Variants in COL24A1 observed in about 807,000 individuals in gnomAD.
COL24A1 encodes collagen alpha-1(XXIV) chain.
COL24A1 carries 224 observed loss-of-function variants against 253.9 expected under a neutral mutation model. The ratio of observed to expected loss-of-function variants is 0.88; its 90% CI spans 0.79 to 0.99. The LOEUF is 0.99. Ranked by LOEUF, COL24A1 falls within the 50% of genes least tolerant of loss-of-function variation. COL24A1 has a pLI of 0.00. For missense variants in COL24A1, 2,131 were observed against 2,068.5 expected (o/e 1.03, Z -0.59); for synonymous variants, 685 against 673.7 (o/e 1.02, Z -0.26).
chr1:85,733,716 ATT>A (rs1382475849), intron 59 of COL24A1, among the ~76,000 whole-genome samples: 4 of 150,750 alleles, frequency 2.7e-5, no homozygotes, highest in African/African-American at 9.8e-5. Context: ...AGTAGCTGGG[ATT>A]ATTGGCGTGT....
At chr1:85,812,791 T>C (rs960337849) in intron 47 of COL24A1, among the ~76,000 whole-genome samples, 3 of 152,186 alleles carry the variant, frequency 2.0e-5, no homozygotes, top group African/African-American at 7.2e-5. Context: ...ATACTAATCA[T>C]AGTGGTTGCT....
intron 35 of COL24A1, among the ~76,000 whole-genome samples, chr1:85,873,256 C>T (rs961719695): frequency 4.6e-5 from 7 of 152,224 alleles, no homozygotes; most frequent in African/African-American, 1.7e-4. Flanking sequence ...TAAACTAGTT[C>T]AACCATTGTG....
intron 24 of COL24A1, among the ~76,000 whole-genome samples, chr1:85,946,421 C>A (rs550963745): frequency 1.3e-5 from 2 of 152,128 alleles, no homozygotes; most frequent in Non-Finnish European, 2.9e-5. Flanking sequence ...GTGAGTCTTA[C>A]TAGTCAATAA....
chr1:85,874,503 T>G, intron 35 of COL24A1, 146 bp downstream of exon 35: 2 of 724,686 alleles, frequency 2.8e-6, no homozygotes, highest in Non-Finnish European at 4.5e-6. Context: ...GGATGCAGCT[T>G]TTGAAAGTAT....
intron 5 of COL24A1, among the ~76,000 whole-genome samples, chr1:86,104,930 C>T (rs147036816): frequency 0.01 from 1,580 of 152,340 alleles, 12 homozygotes; most frequent in Non-Finnish European, 0.015. Flanking sequence ...GTATTTACAG[C>T]AGTGGCAGAG....
chr1:86,128,240 A>G (rs892407831), intron 2 of COL24A1, among the ~76,000 whole-genome samples: 1 of 152,034 alleles, frequency 6.6e-6, no homozygotes, highest in Non-Finnish European at 1.5e-5. Context: ...TATGAGCTAA[A>G]TCAGCTAATT....
chr1:86,152,995 T>C (rs1051272162), intron 1 of COL24A1, among the ~76,000 whole-genome samples: 2 of 152,210 alleles, frequency 1.3e-5, no homozygotes, highest in African/African-American at 4.8e-5. Flanking sequence ...GGTCTCTGTT[T>C]ATCTCTCCAG....
At chr1:86,058,115 C>A in intron 9 of COL24A1, 140 bp from the exon 10 acceptor site, 1 of 538,406 alleles carries the variant, frequency 1.9e-6, no homozygotes, top group South Asian at 3.8e-5. Flanking sequence ...ATGAAGATTA[C>A]CAATGTTCAA....
chr1:85,964,923 T>A (rs920669148), intron 23 of COL24A1, 86 bp downstream of exon 23: 130 of 1,145,378 alleles, frequency 1.1e-4, no homozygotes, highest in Non-Finnish European at 1.6e-4. Context: ...TAAGTTGATG[T>A]GTTCATTTCA....
intron 47 of COL24A1, among the ~76,000 whole-genome samples, chr1:85,810,837 A>T (rs1672459346): frequency 6.6e-6 from 1 of 152,188 alleles, no homozygotes; most frequent in Admixed American, 6.5e-5. Flanking sequence ...ACTGTAAGCC[A>T]ATTAAACCTC....
intron 47 of COL24A1, among the ~76,000 whole-genome samples, chr1:85,788,381 G>A (rs563489379): frequency 3.9e-5 from 6 of 152,030 alleles, no homozygotes; most frequent in South Asian, 2.1e-4. Flanking sequence ...GTGAGCCACC[G>A]CGCCTGGCCC....
intron 43 of COL24A1, among the ~76,000 whole-genome samples, chr1:85,824,345 G>C (rs1673987041): frequency 1.3e-5 from 2 of 152,206 alleles, no homozygotes; most frequent in African/African-American, 4.8e-5. Flanking sequence ...CTAGAACTGA[G>C]AAAATTACAT....
intron 46 of COL24A1, 71 bp downstream of exon 46, chr1:85,817,963 A>C (rs1295210630): frequency 2.3e-6 from 3 of 1,320,926 alleles, no homozygotes; most frequent in Non-Finnish European, 3.3e-6. Flanking sequence ...TTGGCCCCAA[A>C]CTTTTCTGCT....
intron 57 of COL24A1, 97 bp downstream of exon 57, chr1:85,744,569 C>T: frequency 9.4e-7 from 1 of 1,068,922 alleles, no homozygotes; most frequent in East Asian, 2.4e-5. Flanking sequence ...TTTTATCAAA[C>T]TAACTATGAT....
intron 47 of COL24A1, among the ~76,000 whole-genome samples, chr1:85,810,232 C>T (rs1482142270): frequency 2.0e-5 from 3 of 152,070 alleles, no homozygotes; most frequent in Non-Finnish European, 2.9e-5. Context: ...AAAGACACTC[C>T]CACCAGCACC....
chr1:86,002,913 C>T (rs1401514053), intron 19 of COL24A1, among the ~76,000 whole-genome samples: 1 of 152,140 alleles, frequency 6.6e-6, no homozygotes, highest in Non-Finnish European at 1.5e-5. Flanking sequence ...ACTACTCTAG[C>T]CCATATACCA....
rs373419802 is a variant in COL24A1 at position 85,976,051 on chromosome 1, C to A, written c.2365-4658G>T. 2.1e-3 allele frequency among the ~76,000 whole-genome samples: 317 copies of A among 152,250 alleles called. 10 individuals are homozygous for A. In the South Asian group the frequency reaches 0.05, roughly 24 times the overall value. ...GCAGCCGGCAGAATCTGGGAGGGGT[C>A]ACAGGCTGAAAAAAGATTCCAACTG... On this transcript the variant is annotated intron_variant, in intron 20 of 59. Coordinates refer to ENST00000370571, the MANE Select transcript of COL24A1 (RefSeq NM_152890.7).
At chr1:86,040,776 G>A (rs977524755) in intron 12 of COL24A1, among the ~76,000 whole-genome samples, 7 of 151,976 alleles carry the variant, frequency 4.6e-5, no homozygotes, top group Non-Finnish European at 5.9e-5. Context: ...CCTGAAGGAG[G>A]CAGAATCCCT....
At chr1:85,921,267 ACACCAGGAGATTATATC>A (rs1686448865) in intron 24 of COL24A1, among the ~76,000 whole-genome samples, 1 of 152,240 alleles carries the variant, frequency 6.6e-6, no homozygotes, top group East Asian at 1.9e-4. Context: ...AGCAAATGGC[ACACCAGGAGATTATATC>A]CTGTGCCTGG....
Sources: allele counts gnomAD v4.1 joint callset (sites outside exome capture counted in the v4.1 genomes callset), GRCh38; gene constraint gnomAD v4.1.1; transcripts MANE v1.5; gene names NCBI Gene and HGNC (gene_info 2026-07-23, HGNC 2026-07-21).